MYO1E: variants seen among roughly 807,000 people sequenced by gnomAD.
The protein encoded by MYO1E is myosin IE.
A neutral mutation model predicts 151.1 loss-of-function variants in MYO1E; 68 were observed. The ratio of observed to expected loss-of-function variants is 0.45; its 90% CI spans 0.37 to 0.55. The LOEUF (loss-of-function observed/expected upper bound fraction) is 0.55. Among genes scored for constraint, MYO1E ranks in the 20% least tolerant of loss-of-function variants. The pLI is 0.00. For missense variants in MYO1E, 1,363 were observed against 1,389.3 expected (o/e 0.98, Z 0.30); for synonymous variants, 601 against 501.7 (o/e 1.20, Z -2.64).
At chr15:59,139,605 T>A (rs1381477428) in intron 26 of MYO1E, among the ~76,000 whole-genome samples, 3 of 151,170 alleles carry the variant, frequency 2.0e-5, no homozygotes, top group East Asian at 3.9e-4. Context: ...TCCCTCATTA[T>A]TACTCTGCAG....
Position 59,223,753 on chromosome 15 carries a change from C to T in MYO1E, c.778-562G>A, listed in dbSNP as rs542951014. On this transcript the variant is annotated intron_variant, in intron 8 of 27. Coordinates refer to ENST00000288235, the MANE Select transcript of MYO1E (RefSeq NM_004998.4). ...CCAATAAAAGCATCATTTAAAAGTC[C>T]AGTTTCTGAGGTCCCTTAAATGCAA... Among the ~76,000 whole-genome samples the T allele has an allele frequency of 3.9e-4, 60 of 152,252 alleles. No homozygotes were observed. In the South Asian group the frequency reaches 0.012, roughly 32 times the overall value.
At chr15:59,332,815 G>T (rs976162906) in intron 1 of MYO1E, among the ~76,000 whole-genome samples, 2 of 151,864 alleles carry the variant, frequency 1.3e-5, no homozygotes, top group Non-Finnish European at 2.9e-5. Flanking sequence ...CTCCCACCTC[G>T]GCCGCCCAAA....
intron 1 of MYO1E, among the ~76,000 whole-genome samples, chr15:59,340,084 G>A (rs1442738110): frequency 1.3e-5 from 2 of 152,094 alleles, no homozygotes; most frequent in African/African-American, 2.4e-5. Flanking sequence ...TCAAACTCCT[G>A]ACCTCAGGTG....
chr15:59,181,076 T>A (rs2079655667), intron 18 of MYO1E, among the ~76,000 whole-genome samples: 1 of 152,036 alleles, frequency 6.6e-6, no homozygotes, highest in Admixed American at 6.5e-5. Flanking sequence ...ATTAAGGATG[T>A]TTCTGACCTC....
intron 26 of MYO1E, among the ~76,000 whole-genome samples, chr15:59,151,038 CACACACACACA>C (rs1467598032): frequency 4.0e-4 from 53 of 132,456 alleles, no homozygotes; most frequent in Middle Eastern, 3.7e-3. Context: ...CACACACACA[CACACACACACA>C]CGCGCGCGCG....
At chr15:59,338,262 A>AT (rs1387849181) in intron 1 of MYO1E, among the ~76,000 whole-genome samples, 1 of 149,872 alleles carries the variant, frequency 6.7e-6, no homozygotes, top group Non-Finnish European at 1.5e-5. Context: ...TATAATAGCT[A>AT]TATAAACTAG....
intron 7 of MYO1E, among the ~76,000 whole-genome samples, chr15:59,226,130 T>C (rs2079989815): frequency 6.6e-6 from 1 of 152,218 alleles, no homozygotes; most frequent in African/African-American, 2.4e-5. Context: ...ATGTGAAATA[T>C]ATAATTATTT....
chr15:59,186,766 A>T (rs1278098113), intron 18 of MYO1E, among the ~76,000 whole-genome samples: 1 of 152,194 alleles, frequency 6.6e-6, no homozygotes, highest in African/African-American at 2.4e-5. Flanking sequence ...TAAATAAAAC[A>T]CTACATTTGG....
chr15:59,240,768 T>C (rs2080094898), intron 4 of MYO1E, among the ~76,000 whole-genome samples: 1 of 152,216 alleles, frequency 6.6e-6, no homozygotes, highest in Non-Finnish European at 1.5e-5. Flanking sequence ...ATCAACGTAA[T>C]TGAAATATCA....
At chr15:59,285,628 C>T (rs1286674275) in intron 1 of MYO1E, among the ~76,000 whole-genome samples, 3 of 151,530 alleles carry the variant, frequency 2.0e-5, no homozygotes, top group Non-Finnish European at 4.4e-5. Flanking sequence ...GGATTACAGG[C>T]GTGAGCCACC....
At chr15:59,331,640 T>C (rs2080698723) in intron 1 of MYO1E, among the ~76,000 whole-genome samples, 1 of 152,150 alleles carries the variant, frequency 6.6e-6, no homozygotes, top group African/African-American at 2.4e-5. Flanking sequence ...AATACTAAGA[T>C]GGAAAGAAAT....
chr15:59,349,959 C>G (rs955117037), intron 1 of MYO1E, among the ~76,000 whole-genome samples: 12 of 152,142 alleles, frequency 7.9e-5, no homozygotes, highest in Middle Eastern at 3.2e-3. Context: ...ATTATTGCCT[C>G]TAACTTTAGG....
chr15:59,227,837 T>A (rs1403060394), intron 6 of MYO1E, among the ~76,000 whole-genome samples: 1 of 152,318 alleles, frequency 6.6e-6, no homozygotes, highest in Non-Finnish European at 1.5e-5. Flanking sequence ...ATATGCTCTA[T>A]TCCTTGCTCA....
At chr15:59,276,817 G>T (rs1399735457) in intron 1 of MYO1E, among the ~76,000 whole-genome samples, 1 of 152,190 alleles carries the variant, frequency 6.6e-6, no homozygotes, top group African/African-American at 2.4e-5. Context: ...ACCAGGGTGG[G>T]GACCAGGAAG....
chr15:59,175,537 C>T (rs563434504), intron 19 of MYO1E, among the ~76,000 whole-genome samples: 2 of 152,226 alleles, frequency 1.3e-5, no homozygotes, highest in East Asian at 3.9e-4. Context: ...GGAGGGACCA[C>T]GTAATTCCCC....
intron 26 of MYO1E, among the ~76,000 whole-genome samples, chr15:59,145,206 C>G (rs1596340452): frequency 6.6e-6 from 1 of 152,032 alleles, no homozygotes; most frequent in South Asian, 2.1e-4. Flanking sequence ...CAGGTGGAGC[C>G]CCCTACTCCC....
At position 59,236,594 on chromosome 15, in the gene MYO1E, G is replaced by A; in HGVS notation, c.411C>T (p.Thr137=). The change falls in exon 5 of 28, where the codon ACC becomes ACT. Residue 137 remains threonine (T), a synonymous_variant. Coordinates refer to ENST00000288235, the MANE Select transcript of MYO1E (RefSeq NM_004998.4). ...SYISRVSGGG[T]KVQHVKDIIL... The stretch of plus-strand genomic sequence containing the variant: ...GCCACTGCCCACTCACCTGGACTTT[G>A]GTCCCTCCTCCAGACACTCTGGAGA... The A allele has an allele frequency of 6.2e-7, 1 of 1,612,566 alleles. No homozygotes were observed. The highest frequency in any genetic ancestry group is 8.5e-7 in the Non-Finnish European group (1 of 1,178,806).
chr15:59,371,155 G>A (rs760546686), intron 1 of MYO1E, among the ~76,000 whole-genome samples: 1 of 152,200 alleles, frequency 6.6e-6, no homozygotes, highest in African/African-American at 2.4e-5. Context: ...AAGGTTTCTC[G>A]TTGATGTTTG....
chr15:59,304,197 G>A (rs575609006), intron 1 of MYO1E, among the ~76,000 whole-genome samples: 5 of 152,132 alleles, frequency 3.3e-5, no homozygotes, highest in Admixed American at 1.3e-4. Context: ...TGGTCAAGCT[G>A]GTCTCAAACT....
Sources: allele counts gnomAD v4.1 joint callset (sites outside exome capture counted in the v4.1 genomes callset), GRCh38; gene constraint gnomAD v4.1.1; transcripts MANE v1.5; gene names NCBI Gene and HGNC (gene_info 2026-07-23, HGNC 2026-07-21).